RBFOX1: variants seen among roughly 807,000 people sequenced by gnomAD.
The protein encoded by RBFOX1 is RNA binding protein fox-1 homolog 1.
Under a neutral mutation model 57.7 loss-of-function variants are expected in RBFOX1, and 8 were observed. That is an observed-to-expected ratio of 0.14 (90% CI 0.08 to 0.25). RBFOX1 has a LOEUF of 0.25. Among genes scored for constraint, RBFOX1 ranks in the 10% least tolerant of loss-of-function variants. RBFOX1 has a pLI of 1.00. For synonymous variants in RBFOX1, 326 were observed against 222.4 expected, an observed-to-expected ratio of 1.47 and a Z score of -4.15; for missense variants, 611 against 548.5, an observed-to-expected ratio of 1.11 and a Z score of -1.14.
intron 3 of RBFOX1, among the ~76,000 whole-genome samples, chr16:5,666,255 A>C (rs999407544): frequency 3.9e-5 from 6 of 152,176 alleles, no homozygotes; most frequent in African/African-American, 1.2e-4. Context: ...GTGTGGAGTA[A>C]ATGCATGATT....
intron 4 of RBFOX1, among the ~76,000 whole-genome samples, chr16:7,265,929 G>A (rs1047811501): frequency 2.0e-5 from 3 of 147,284 alleles, no homozygotes; most frequent in African/African-American, 5.1e-5. Flanking sequence ...CTGTCTTCAC[G>A]ACAGTGAGTG....
intron 3 of RBFOX1, among the ~76,000 whole-genome samples, chr16:5,770,568 C>A (rs9939365): frequency 2.6e-5 from 4 of 151,738 alleles, no homozygotes; most frequent in Non-Finnish European, 4.4e-5. Flanking sequence ...TGGGGTAGCC[C>A]TGCTATTTCT....
intron 4 of RBFOX1, among the ~76,000 whole-genome samples, chr16:7,124,727 C>A (rs558420908): frequency 6.6e-6 from 1 of 151,814 alleles, no homozygotes; most frequent in Non-Finnish European, 1.5e-5. Flanking sequence ...ATATCACATA[C>A]GGAAAAGGTA....
chr16:5,334,526 TAAAG>T (rs1235070466), intron 1 of RBFOX1, among the ~76,000 whole-genome samples: 1 of 151,488 alleles, frequency 6.6e-6, no homozygotes, highest in African/African-American at 2.4e-5. Flanking sequence ...TTCTAGTAAA[TAAAG>T]GAAGATGAAG....
Position 6,972,793 on chromosome 16 carries a change from A to C in RBFOX1, c.-15-79264A>C, listed in dbSNP as rs532907406. Among the ~76,000 whole-genome samples, 3 of 152,182 alleles carry C rather than the reference A, an allele frequency of 2.0e-5. No homozygotes were observed. In the East Asian group the frequency reaches 5.8e-4, roughly 29 times the overall value. On this transcript the variant is annotated intron_variant, in intron 3 of 15. Coordinates refer to ENST00000550418, the MANE Select transcript of RBFOX1 (RefSeq NM_018723.4). Reference sequence around the variant, plus strand: ...GTAGATTTGATGTCGAGTGGGTAAGAAAATTTCTGTTCAAATTCATATTTT... The same window carrying C: ...GTAGATTTGATGTCGAGTGGGTAAGCAAATTTCTGTTCAAATTCATATTTT...
intron 3 of RBFOX1, among the ~76,000 whole-genome samples, chr16:6,941,102 G>A (rs1050707717): frequency 6.6e-6 from 1 of 152,000 alleles, no homozygotes; most frequent in African/African-American, 2.4e-5. Flanking sequence ...ACAGGAAAGA[G>A]TCTTAGTTGG....
chr16:6,499,225 C>A (rs2095852442), intron 2 of RBFOX1, among the ~76,000 whole-genome samples: 1 of 152,086 alleles, frequency 6.6e-6, no homozygotes, highest in African/African-American at 2.4e-5. Flanking sequence ...ATTTTCCATT[C>A]TTCAAAATGA....
chr16:6,883,944 A>C (rs762283080), intron 3 of RBFOX1, among the ~76,000 whole-genome samples: 1 of 152,132 alleles, frequency 6.6e-6, no homozygotes, highest in Admixed American at 6.5e-5. Context: ...TGACGTTGCT[A>C]CTTGCCACGG....
chr16:5,805,635 G>T (rs1365006039), intron 3 of RBFOX1, among the ~76,000 whole-genome samples: 1 of 152,210 alleles, frequency 6.6e-6, no homozygotes, highest in Non-Finnish European at 1.5e-5. Context: ...AGCAACTGTG[G>T]AGAGCTGTTA....
chr16:7,655,510 G>A (rs762830125), intron 12 of RBFOX1, among the ~76,000 whole-genome samples: 3 of 152,344 alleles, frequency 2.0e-5, no homozygotes, highest in Non-Finnish European at 4.4e-5. Context: ...ATAAGGAGTT[G>A]TCGATAGTAT....
chr16:7,107,170 A>G (rs1163063908), intron 4 of RBFOX1, among the ~76,000 whole-genome samples: 1 of 152,170 alleles, frequency 6.6e-6, no homozygotes, highest in Non-Finnish European at 1.5e-5. Context: ...CAGAAAGTGC[A>G]AAGCCATCGA....
At chr16:7,354,592 T>C (rs957387034) in intron 4 of RBFOX1, among the ~76,000 whole-genome samples, 2 of 152,210 alleles carry the variant, frequency 1.3e-5, no homozygotes, top group African/African-American at 2.4e-5. Flanking sequence ...ATGCTTAGGA[T>C]TTCATTCAAT....
intron 1 of RBFOX1, among the ~76,000 whole-genome samples, chr16:6,299,805 CT>C (rs1263730634): frequency 6.6e-6 from 1 of 152,162 alleles, no homozygotes; most frequent in Non-Finnish European, 1.5e-5. Context: ...GGAAACAAGT[CT>C]GTCGGGGTTC....
intron 2 of RBFOX1, among the ~76,000 whole-genome samples, chr16:6,329,099 A>G (rs1216865149): frequency 6.6e-6 from 1 of 152,014 alleles, no homozygotes; most frequent in Admixed American, 6.6e-5. Flanking sequence ...TCCTTTCAAA[A>G]CTCATACTCA....
At chr16:5,353,133 G>T (rs566803149) in intron 1 of RBFOX1, among the ~76,000 whole-genome samples, 27 of 152,206 alleles carry the variant, frequency 1.8e-4, no homozygotes, top group Admixed American at 3.3e-4. Flanking sequence ...CAGCACTTTG[G>T]GAAGCCGAGG....
intron 2 of RBFOX1, among the ~76,000 whole-genome samples, chr16:6,547,128 C>G (rs978547718): frequency 5.9e-5 from 9 of 152,320 alleles, no homozygotes; most frequent in Admixed American, 5.9e-4. Flanking sequence ...GTATCTGGCG[C>G]TCTTTTACTA....
At chr16:6,579,682 C>A (rs1038952922) in intron 2 of RBFOX1, among the ~76,000 whole-genome samples, 1 of 152,154 alleles carries the variant, frequency 6.6e-6, no homozygotes, top group African/African-American at 2.4e-5. Context: ...ATACCTCTTT[C>A]CTTTATAAAC....
At chr16:6,700,780 C>G (rs2061701470) in intron 3 of RBFOX1, among the ~76,000 whole-genome samples, 2 of 152,280 alleles carry the variant, frequency 1.3e-5, no homozygotes, top group South Asian at 2.1e-4. Context: ...ACCATGTTAT[C>G]TATGGCATAT....
chr16:6,836,141 A>G (rs1023032256), intron 3 of RBFOX1, among the ~76,000 whole-genome samples: 3 of 152,228 alleles, frequency 2.0e-5, no homozygotes, highest in East Asian at 1.9e-4. Flanking sequence ...ATGGTATTTC[A>G]TGGGTGAACC....
Sources: gnomAD v4.1 joint callset for allele counts (sites outside exome capture counted in the v4.1 genomes callset) on GRCh38, gnomAD v4.1.1 for gene constraint, MANE v1.5 for transcripts, NCBI Gene and HGNC (gene_info 2026-07-23, HGNC 2026-07-21) for gene names.